The following RBMS2 variants were observed in gnomAD, a reference collection of about 807,000 sequenced individuals.
RBMS2 encodes RNA binding motif single stranded interacting protein 2, also known as RNA-binding motif, single-stranded-interacting protein 2.
In RBMS2, 38 loss-of-function variants were observed where a neutral mutation model predicts 58.4. The ratio of observed to expected loss-of-function variants is 0.65; its 90% CI spans 0.50 to 0.85. RBMS2 has a LOEUF of 0.85. Ranked by LOEUF, RBMS2 falls within the 40% of genes least tolerant of loss-of-function variation. The probability of loss-of-function intolerance (pLI) is 0.00; values close to 1 mark genes in which losing one functional copy is unlikely to be tolerated. For synonymous variants in RBMS2, 151 were observed against 180.7 expected, an observed-to-expected ratio of 0.84 and a Z score of 1.32; for missense variants, 367 against 503.7, an observed-to-expected ratio of 0.73 and a Z score of 2.60.
chr12:56,565,360 A>T (rs541742971), intron 2 of RBMS2, among the ~76,000 whole-genome samples: 1 of 150,144 alleles, frequency 6.7e-6, no homozygotes, highest in East Asian at 2.0e-4. Context: ...CCCAACAGTT[A>T]TTTTTTTAGT....
At chr12:56,548,868 G>A (rs1424372756) in intron 1 of RBMS2, among the ~76,000 whole-genome samples, 1 of 152,164 alleles carries the variant, frequency 6.6e-6, no homozygotes, top group African/African-American at 2.4e-5. Context: ...CTACTGCTCT[G>A]GCAGTTCATA....
intron 5 of RBMS2, among the ~76,000 whole-genome samples, chr12:56,573,737 C>T (rs1224236063): frequency 6.6e-6 from 1 of 150,862 alleles, no homozygotes; most frequent in African/African-American, 2.4e-5. Flanking sequence ...TATTAAGTAA[C>T]TGAATGGTCC....
At chr12:56,588,254 A>T in intron 11 of RBMS2, 40 bp from the exon 12 acceptor site, 1 of 1,557,994 alleles carries the variant, frequency 6.4e-7, no homozygotes, top group Admixed American at 1.7e-5. Context: ...AATGTAGCCA[A>T]AAATCACTGC....
chr12:56,558,172 C>T (rs1453628201), intron 1 of RBMS2, among the ~76,000 whole-genome samples: 4 of 133,198 alleles, frequency 3.0e-5, no homozygotes, highest in African/African-American at 8.2e-5. Context: ...CCCAGCCTCC[C>T]GAGAAGCTGG....
intron 1 of RBMS2, among the ~76,000 whole-genome samples, chr12:56,542,567 T>A (rs947823375): frequency 1.3e-5 from 2 of 148,644 alleles, no homozygotes; most frequent in Non-Finnish European, 3.0e-5. Flanking sequence ...TTTTTTTTTT[T>A]ATTCAGGGTT....
chr12:56,526,524 G>A (rs557303433), intron 1 of RBMS2, among the ~76,000 whole-genome samples: 3 of 151,164 alleles, frequency 2.0e-5, no homozygotes, highest in Non-Finnish European at 4.4e-5. Flanking sequence ...AGGAAGTAGT[G>A]TTAAATTTTT....
intron 7 of RBMS2, 96 bp from the exon 8 acceptor site, chr12:56,581,737 T>G: frequency 6.9e-7 from 1 of 1,459,204 alleles, no homozygotes; most frequent in South Asian, 1.2e-5. Context: ...GGCTTTAATT[T>G]GTTAAACCAA....
intron 4 of RBMS2, among the ~76,000 whole-genome samples, chr12:56,570,707 A>G (rs1166955894): frequency 1.3e-5 from 2 of 152,112 alleles, no homozygotes; most frequent in Non-Finnish European, 2.9e-5. Flanking sequence ...CCTCCCAAGT[A>G]GCTGGGACTA....
At chr12:56,577,689 AT>A (rs752079885) in intron 5 of RBMS2, among the ~76,000 whole-genome samples, 3 of 147,980 alleles carry the variant, frequency 2.0e-5, no homozygotes, top group African/African-American at 5.0e-5. Flanking sequence ...TAATTTTTTA[AT>A]TTTTTTTTTG....
Position 56,595,147 on chromosome 12 carries a change from A to G in RBMS2, c.*6014A>G, listed in dbSNP as rs1316517332. 1.3e-5 allele frequency: 2 copies of G among 152,230 alleles called. No homozygotes were observed. Among genetic ancestry groups the G allele is most frequent in the East Asian group, 1.9e-4 (1 of 5,200 alleles). 9.4% of individuals were successfully genotyped at this position (152,230 alleles called of 1,614,324 possible). A position where few individuals can be genotyped will look rare whatever the true frequency, so the allele number is the denominator to read the frequency against. The stretch of plus-strand genomic sequence containing the variant: ...GCAGAGTTTAGAACTTAAGAGGACA[A>G]GAAAGCTGCTCAGTGGCTGGCGTAT... On this transcript the variant is annotated 3_prime_UTR_variant, in exon 14 of 14. Coordinates refer to ENST00000262031, the MANE Select transcript of RBMS2 (RefSeq NM_002898.4).
chr12:56,522,076 G>A lies in RBMS2; in HGVS notation c.53G>A (p.Arg18Lys). The A allele has an allele frequency of 1.3e-6, 2 of 1,595,656 alleles. No individual in the cohort carries two copies. Among genetic ancestry groups the A allele is most frequent in the Non-Finnish European group, 8.6e-7 (1 of 1,165,774 alleles). The change falls in exon 1 of 14, where the codon AGA (arginine) becomes AAA (lysine). Residue 18 changes from arginine to lysine, a missense_variant. Arg to Lys is a conservative substitution (Grantham distance 26). Coordinates refer to ENST00000262031, the MANE Select transcript of RBMS2 (RefSeq NM_002898.4). ...GGGATTTCGACTTTTGGCTACAATA[G>A]AAACAACAAGAAGGTAGGGAAAAGC... ...RPGISTFGYN[R>K]NNKKPYVSLA...
At chr12:56,538,689 C>G (rs1208543356) in intron 1 of RBMS2, among the ~76,000 whole-genome samples, 1 of 151,814 alleles carries the variant, frequency 6.6e-6, no homozygotes, top group Admixed American at 6.6e-5. Flanking sequence ...ACCATCTTGG[C>G]CAGGCTGGTC....
At chr12:56,586,701 A>G in intron 9 of RBMS2, 148 bp from the exon 10 acceptor site, 1 of 643,904 alleles carries the variant, frequency 1.6e-6, no homozygotes, top group Non-Finnish European at 2.7e-6. Context: ...AGTTTTAAGA[A>G]TTGCTAATAT....
rs1242794074 is a variant in RBMS2 at position 56,532,249 on chromosome 12, G to GA, written c.66+10169dup. On this transcript the variant is annotated intron_variant, in intron 1 of 13. Transcript: ENST00000262031. ...TTGTGAACCTATGGAGTATAAAAAA[G>GA]AAAAAAAAATTGGCCAGGTGCGGTG... 9.6e-5 allele frequency among the ~76,000 whole-genome samples: 13 copies of GA among 135,298 alleles called. No individual in the cohort carries two copies. The East Asian group carries it at 1.1e-3, about 12-fold the overall frequency. The allele number at this position is 135,298 out of a possible 152,430, so 88.8% of individuals were successfully genotyped here. A position where few individuals can be genotyped will look rare whatever the true frequency, so the allele number is the denominator to read the frequency against.
chr12:56,538,353 G>C (rs1875344036), intron 1 of RBMS2, among the ~76,000 whole-genome samples: 1 of 151,204 alleles, frequency 6.6e-6, no homozygotes, highest in Non-Finnish European at 1.5e-5. Context: ...GATTTTGATA[G>C]GGATTACATT....
At chr12:56,558,130 T>C (rs1260346641) in intron 1 of RBMS2, among the ~76,000 whole-genome samples, 2 of 130,134 alleles carry the variant, frequency 1.5e-5, no homozygotes, top group East Asian at 5.1e-4. Flanking sequence ...CTGCAAGCTC[T>C]GCCTCCTCCT....
At chr12:56,582,948 C>G (rs1166733397) in intron 9 of RBMS2, among the ~76,000 whole-genome samples, 1 of 152,140 alleles carries the variant, frequency 6.6e-6, no homozygotes, top group African/African-American at 2.4e-5. Context: ...GCGCCACGCC[C>G]AGCCGTGATC....
intron 2 of RBMS2, among the ~76,000 whole-genome samples, chr12:56,565,581 G>A (rs1881201577): frequency 6.6e-6 from 1 of 152,144 alleles, no homozygotes; most frequent in African/African-American, 2.4e-5. Context: ...GAGCCCAAAA[G>A]GGGACTGTGG....
In RBMS2 at chr12:56,539,505, T is replaced by C. The variant is rs537253473; in HGVS notation, c.66+17416T>C. Among the ~76,000 whole-genome samples, 44 of 152,312 alleles carry C rather than the reference T, an allele frequency of 2.9e-4. No individual in the cohort carries two copies. The South Asian group carries it at 6.2e-3, about 22-fold the overall frequency. ...TTTAGTTAAACCAGTATTCAGTATT[T>C]ATATTATTATGATTTTATAAGTATT... On this transcript the variant is annotated intron_variant, in intron 1 of 13. Transcript: ENST00000262031.
Sources: allele counts gnomAD v4.1 joint callset (sites outside exome capture counted in the v4.1 genomes callset), GRCh38; gene constraint gnomAD v4.1.1; transcripts MANE v1.5; gene names NCBI Gene and HGNC (gene_info 2026-07-23, HGNC 2026-07-21).